The following DNMT3A variants were observed in gnomAD, a reference collection of about 807,000 sequenced individuals.
The protein encoded by DNMT3A is DNA (cytosine-5)-methyltransferase 3A.
A neutral mutation model predicts 117.6 loss-of-function variants in DNMT3A; 267 were observed. That is an observed-to-expected ratio of 2.27 (90% CI 2.05 to 2.51). DNMT3A has a LOEUF of 2.51. Ranked by LOEUF, DNMT3A falls within the 30% of genes most tolerant of loss-of-function variation. The pLI, the probability that DNMT3A is intolerant of heterozygous loss-of-function variation, is 0.00. For missense variants in DNMT3A, 1,029 were observed against 1,260.2 expected (o/e 0.82, Z 2.78); for synonymous variants, 432 against 474.8 (o/e 0.91, Z 1.17).
rs796065342 is a variant in DNMT3A, at chr2:25,246,695, G to A, written c.1204C>T (p.Gln402Ter). The change falls in exon 10 of 23, where the codon CAG (glutamine) becomes TAG (stop). Residue 402 changes from glutamine (Q) to a stop codon, truncating the protein, a stop_gained. Coordinates refer to ENST00000321117, the MANE Select transcript of DNMT3A (RefSeq NM_022552.5). LOFTEE classifies it high-confidence loss of function. ...ESDTAKAVEV[Q>*]NKPMIEWALG... ...GCCCATTCAATCATGGGCTTGTTCT[G>A]CACCTCCACGGCCTTGGCAGTGTCA... 6 of 1,613,652 alleles carry A rather than the reference G, an allele frequency of 3.7e-6. No individual in the cohort carries two copies. Among genetic ancestry groups the A allele is most frequent in the African/African-American group, 1.3e-5 (1 of 74,920 alleles).
Position 25,314,172 on chromosome 2 carries a change from G to A in DNMT3A, c.-177-11C>T. On this transcript the variant is annotated splice_polypyrimidine_tract_variant and intron_variant, in intron 1 of 22. Coordinates refer to ENST00000321117, the MANE Select transcript of DNMT3A (RefSeq NM_022552.5). Reference sequence around the variant, plus strand: ...CTTCGATGGCTCCACCTGTGGGGGAGAGAAGAGGATCAGTGGGGCGGAGCA... The same window carrying A: ...CTTCGATGGCTCCACCTGTGGGGGAAAGAAGAGGATCAGTGGGGCGGAGCA... The A allele has an allele frequency of 2.1e-6, 3 of 1,422,104 alleles. No individual in the cohort carries two copies. The highest frequency in any genetic ancestry group is 1.8e-6 in the Non-Finnish European group (2 of 1,091,868). 88.1% of individuals were successfully genotyped at this position (1,422,104 alleles called of 1,614,324 possible). A position where few individuals can be genotyped will look rare whatever the true frequency, so the allele number is the denominator to read the frequency against.
intron 3 of DNMT3A, among the ~76,000 whole-genome samples, chr2:25,297,323 C>T (rs1229891035): frequency 5.9e-5 from 9 of 152,066 alleles, no homozygotes; most frequent in South Asian, 2.1e-4. Flanking sequence ...GGCCAGGCGA[C>T]GGCAGGTGTA....
intron 6 of DNMT3A, among the ~76,000 whole-genome samples, chr2:25,268,197 T>C (rs1558692556): frequency 6.6e-6 from 1 of 152,148 alleles, no homozygotes; most frequent in Non-Finnish European, 1.5e-5. Flanking sequence ...ATTAAGCATC[T>C]AATAAGTATA....
At chr2:25,320,704 AGT>A (rs1194845660) in intron 1 of DNMT3A, among the ~76,000 whole-genome samples, 4 of 152,228 alleles carry the variant, frequency 2.6e-5, no homozygotes, top group African/African-American at 9.6e-5. Flanking sequence ...TGTGAATAAT[AGT>A]TTTATCGAAA....
chr2:25,331,070 A>C (rs963359188), intron 1 of DNMT3A, among the ~76,000 whole-genome samples: 3 of 152,196 alleles, frequency 2.0e-5, no homozygotes, highest in Admixed American at 6.5e-5. Context: ...TTAGTCCAAG[A>C]AGCAATGCTC....
chr2:25,305,376 T>C lies in DNMT3A; in HGVS notation c.73-5133A>G, dbSNP rs1209394267. Among the ~76,000 whole-genome samples, 2 of 152,254 alleles carry C rather than the reference T, an allele frequency of 1.3e-5. No homozygotes were observed. The highest frequency in any genetic ancestry group is 2.9e-5 in the Non-Finnish European group (2 of 68,040). On this transcript the variant is annotated intron_variant, in intron 2 of 22. Transcript: ENST00000321117. The surrounding 1 kb of genome is among the most constrained non-coding windows in gnomAD (Gnocchi z 4.1). ...TGACCTACATTTCAACACTGCTCAC[T>C]GGATGGATTATTTTAAGCCATATAC...
intron 1 of DNMT3A, among the ~76,000 whole-genome samples, chr2:25,340,027 G>A (rs1424246564): frequency 1.3e-5 from 2 of 152,250 alleles, no homozygotes; most frequent in Non-Finnish European, 2.9e-5. Context: ...CTCTGGGCAC[G>A]GCAGTGAGGG....
chr2:25,264,137 T>TTTTTTTTTTTTTG (rs2029978990), intron 6 of DNMT3A, among the ~76,000 whole-genome samples: 1 of 126,326 alleles, frequency 7.9e-6, no homozygotes, highest in Non-Finnish European at 1.7e-5. Context: ...CTTTGGTTTT[T>TTTTTTTTTTTTTG]TTTTTTTTTT....
rs548777539 is a variant in DNMT3A, at chr2:25,336,481, C to G, written c.-178+5345G>C. 7.2e-5 allele frequency among the ~76,000 whole-genome samples: 11 copies of G among 152,284 alleles called. No individual in the cohort carries two copies. In the South Asian group the frequency reaches 2.1e-3, roughly 29 times the overall value. ...GACCAGACCTGACCCTGGCCTCCCC[C>G]TTAATCGTCACAACCCCCTGGGGTC... On this transcript the variant is annotated intron_variant, in intron 1 of 22. Transcript: ENST00000321117.
Position 25,257,215 on chromosome 2 carries a change from G to T in DNMT3A, c.640-8963C>A, listed in dbSNP as rs981899546. On this transcript the variant is annotated intron_variant, in intron 6 of 22. Coordinates refer to ENST00000321117, the MANE Select transcript of DNMT3A (RefSeq NM_022552.5). This position sits in a 1 kb window ranked among gnomAD's most constrained non-coding sequence, Gnocchi z 4.8. ...GGACTTGTTGCTAAGGAGACCAGTC[G>T]CAGAGAGAGCAACTAAGCAGGGGGA... Among the ~76,000 whole-genome samples the T allele has an allele frequency of 6.6e-6, 1 of 152,202 alleles. No homozygotes were observed. The highest frequency in any genetic ancestry group is 1.5e-5 in the Non-Finnish European group (1 of 68,032).
At chr2:25,242,674 A>G (rs1303254240) in intron 16 of DNMT3A, among the ~76,000 whole-genome samples, 1 of 152,194 alleles carries the variant, frequency 6.6e-6, no homozygotes, top group Non-Finnish European at 1.5e-5. Context: ...CCCTCTGGCC[A>G]AAGACATGAA....
In DNMT3A at chr2:25,237,480, A is replaced by G. The variant is rs951763957; in HGVS notation, c.2409-475T>C. Among the ~76,000 whole-genome samples, 4 of 152,120 alleles carry G rather than the reference A, an allele frequency of 2.6e-5. No individual in the cohort carries two copies. The highest frequency in any genetic ancestry group is 7.2e-5 in the African/African-American group (3 of 41,440). ...TAAATGTACTGCTTTAAAAGACTAAATTCTGGGCCAGGCGCAGTGGCTCAT... is the reference window on the plus strand; with the variant it reads ...TAAATGTACTGCTTTAAAAGACTAAGTTCTGGGCCAGGCGCAGTGGCTCAT... On this transcript the variant is annotated intron_variant, in intron 20 of 22. Transcript: ENST00000321117. The surrounding 1 kb of genome is among the most constrained non-coding windows in gnomAD (Gnocchi z 5.4).
Position 25,240,289 on chromosome 2 carries a change from T to C in DNMT3A, c.2322+13A>G, listed in dbSNP as rs2149270857. On this transcript the variant is annotated intron_variant, in intron 19 of 22. Transcript: ENST00000321117. Reference sequence around the variant, plus strand: ...CATTAGTGAGCTGGCCAAACCAAGGTTGCTGGCTATACCTCGAGAAATCGC... The same window carrying C: ...CATTAGTGAGCTGGCCAAACCAAGGCTGCTGGCTATACCTCGAGAAATCGC... The C allele has an allele frequency of 1.2e-6, 2 of 1,613,810 alleles. No homozygotes were observed. Among genetic ancestry groups the C allele is most frequent in the Admixed American group, 3.3e-5 (2 of 59,976 alleles).
In DNMT3A at chr2:25,240,724, C is replaced by A. The variant is rs761343150; in HGVS notation, c.2089G>T (p.Glu697Ter). The change falls in exon 18 of 23, where the codon GAG becomes TAG. Residue 697 changes from glutamate (E) to a stop codon, truncating the protein, a stop_gained. Coordinates refer to ENST00000321117, the MANE Select transcript of DNMT3A (RefSeq NM_022552.5). LOFTEE classifies it high-confidence loss of function. The stretch of plus-strand genomic sequence containing the variant: ...ATCACCAGATCGAATGGGCCCCACT[C>A]CTGGATCTGGGAGGATAAAGGCAAC... ...VRSVTQKHIQ[E>*]WGPFDLVIGG... The A allele has an allele frequency of 1.9e-6, 3 of 1,614,020 alleles. No individual in the cohort carries two copies. Among genetic ancestry groups the A allele is most frequent in the Non-Finnish European group, 2.5e-6 (3 of 1,180,022 alleles).
chr2:25,277,536 TGGAGGA>T, intron 4 of DNMT3A, among the ~76,000 whole-genome samples: 1 of 151,600 alleles, frequency 6.6e-6, no homozygotes, highest in Non-Finnish European at 1.5e-5. Context: ...GGGCGGGGAG[TGGAGGA>T]CCCCCGGGCT....
intron 4 of DNMT3A, among the ~76,000 whole-genome samples, chr2:25,277,453 C>G (rs1427069008): frequency 6.6e-6 from 1 of 152,092 alleles, no homozygotes; most frequent in Admixed American, 6.5e-5. Flanking sequence ...CTGGCGGTCC[C>G]GGCGGACCCT....
At chr2:25,331,573 G>T (rs1458112072) in intron 1 of DNMT3A, among the ~76,000 whole-genome samples, 1 of 152,218 alleles carries the variant, frequency 6.6e-6, no homozygotes, top group Non-Finnish European at 1.5e-5. Context: ...GAGGGCCAGG[G>T]TCTAGGCCTT....
intron 6 of DNMT3A, among the ~76,000 whole-genome samples, chr2:25,256,852 C>G (rs1169764858): frequency 6.6e-6 from 1 of 152,184 alleles, no homozygotes; most frequent in Non-Finnish European, 1.5e-5. Context: ...ATTAAATATT[C>G]CTAGAGGGCA....
chr2:25,298,377 G>A lies in DNMT3A; in HGVS notation c.177+1762C>T, dbSNP rs941021791. ...CTGACTTCCTTGTACCTTTTCACCCGAGTGCTTCACTCCACCTCTCAGCGA... is the reference window on the plus strand; with the variant it reads ...CTGACTTCCTTGTACCTTTTCACCCAAGTGCTTCACTCCACCTCTCAGCGA... On this transcript the variant is annotated intron_variant, in intron 3 of 22. Coordinates refer to ENST00000321117, the MANE Select transcript of DNMT3A (RefSeq NM_022552.5). This position sits in a 1 kb window ranked among gnomAD's most constrained non-coding sequence, Gnocchi z 4.3. 3.3e-5 allele frequency among the ~76,000 whole-genome samples: 5 copies of A among 152,120 alleles called. No individual in the cohort carries two copies. The highest frequency in any genetic ancestry group is 1.9e-4 in the East Asian group (1 of 5,194).
Sources: allele counts gnomAD v4.1 joint callset (sites outside exome capture counted in the v4.1 genomes callset), GRCh38; gene constraint gnomAD v4.1.1; non-coding constraint Gnocchi (gnomAD v3.1); transcripts MANE v1.5; gene names NCBI Gene and HGNC (gene_info 2026-07-23, HGNC 2026-07-21).